NKAIN2: variants seen among roughly 807,000 people sequenced by gnomAD.
The protein encoded by NKAIN2 is sodium/potassium transporting ATPase interacting 2, also known as sodium/potassium-transporting ATPase subunit beta-1-interacting protein 2.
NKAIN2 carries 14 observed loss-of-function variants against 32.6 expected under a neutral mutation model. The ratio of observed to expected loss-of-function variants is 0.43; its 90% CI spans 0.28 to 0.67. The LOEUF (loss-of-function observed/expected upper bound fraction) is 0.67. Among genes scored for constraint, NKAIN2 ranks in the 30% least tolerant of loss-of-function variants. The pLI is 0.17. For missense variants in NKAIN2, 198 were observed against 258.3 expected (o/e 0.77, Z 1.60); for synonymous variants, 80 against 87.2 (o/e 0.92, Z 0.46).
chr6:123,938,604 T>G (rs568060440), intron 1 of NKAIN2, among the ~76,000 whole-genome samples: 1,661 of 140,850 alleles, frequency 0.012, 28 homozygotes, highest in African/African-American at 0.041. Context: ...ATATTATATA[T>G]ATTTTTATAT....
intron 1 of NKAIN2, among the ~76,000 whole-genome samples, chr6:124,061,930 A>G (rs1782934108): frequency 6.6e-6 from 1 of 152,172 alleles, no homozygotes; most frequent in Non-Finnish European, 1.5e-5. Context: ...AGAGCTAGAG[A>G]TAAGAGAATG....
intron 1 of NKAIN2, among the ~76,000 whole-genome samples, chr6:124,215,516 GA>G (rs1046037181): frequency 6.6e-6 from 1 of 152,130 alleles, no homozygotes. Flanking sequence ...TGCCCATAGG[GA>G]AAAGCAGGAA....
intron 1 of NKAIN2, among the ~76,000 whole-genome samples, chr6:123,816,457 A>G (rs1773699198): frequency 6.6e-6 from 1 of 152,176 alleles, no homozygotes; most frequent in African/African-American, 2.4e-5. Flanking sequence ...AAATTAAAAG[A>G]TTGCTAAACT....
At chr6:124,140,147 G>A (rs1787062752) in intron 1 of NKAIN2, among the ~76,000 whole-genome samples, 1 of 152,146 alleles carries the variant, frequency 6.6e-6, no homozygotes. Context: ...ACACAGCATA[G>A]CATCACATGT....
chr6:124,356,306 C>G (rs1194991194), intron 3 of NKAIN2, among the ~76,000 whole-genome samples: 2 of 152,154 alleles, frequency 1.3e-5, no homozygotes, highest in Non-Finnish European at 2.9e-5. Context: ...AATGGTAATA[C>G]ACATTTATGA....
intron 3 of NKAIN2, among the ~76,000 whole-genome samples, chr6:124,621,711 T>C (rs910883113): frequency 2.6e-5 from 4 of 152,292 alleles, no homozygotes; most frequent in Admixed American, 2.6e-4. Flanking sequence ...ACCAGTTTGA[T>C]TGGAAGAAAA....
At chr6:124,489,037 C>A (rs755927450) in intron 3 of NKAIN2, among the ~76,000 whole-genome samples, 7 of 151,864 alleles carry the variant, frequency 4.6e-5, no homozygotes, top group Non-Finnish European at 8.8e-5. Context: ...ACAATAAATT[C>A]TTGAAAGTTA....
intron 3 of NKAIN2, among the ~76,000 whole-genome samples, chr6:124,584,430 T>A (rs923563325): frequency 1.3e-5 from 2 of 152,064 alleles, no homozygotes; most frequent in Non-Finnish European, 2.9e-5. Context: ...GGCACATGGA[T>A]CACCTGAGGT....
rs867005878 is a variant in NKAIN2, at chr6:123,943,157, A to T, written c.54+138903A>T. On this transcript the variant is annotated intron_variant, in intron 1 of 6. Coordinates refer to ENST00000368417, the MANE Select transcript of NKAIN2 (RefSeq NM_001040214.3). ...AATACAGTTGATAAACTATTATAAT[A>T]GTTAACAGCCACTGGGCTTATAAAA... Among the ~76,000 whole-genome samples, 5 of 152,060 alleles carry T rather than the reference A, an allele frequency of 3.3e-5. 1 individual carries two copies. Among genetic ancestry groups the T allele is most frequent in the South Asian group, 4.1e-4 (2 of 4,834 alleles).
intron 2 of NKAIN2, among the ~76,000 whole-genome samples, chr6:124,288,731 T>C (rs1795673187): frequency 6.6e-6 from 1 of 152,186 alleles, no homozygotes; most frequent in Non-Finnish European, 1.5e-5. Flanking sequence ...ACAAATGATC[T>C]ATTTCTACAT....
At position 123,899,116 on chromosome 6, in the gene NKAIN2, A is replaced by G. The variant is rs566937049; in HGVS notation, c.54+94862A>G. 1.4e-4 allele frequency among the ~76,000 whole-genome samples: 22 copies of G among 152,316 alleles called. No individual in the cohort carries two copies. In the South Asian group the frequency reaches 3.9e-3, roughly 27 times the overall value. ...ATATGAATAAATCTGTATCTGTATG[A>G]TAGGTATTGATCTCATTTTGCATAT... On this transcript the variant is annotated intron_variant, in intron 1 of 6. Transcript: ENST00000368417.
chr6:124,603,308 A>C lies in NKAIN2; in HGVS notation c.274-54878A>C, dbSNP rs189007756. On this transcript the variant is annotated intron_variant, in intron 3 of 6. Coordinates refer to ENST00000368417, the MANE Select transcript of NKAIN2 (RefSeq NM_001040214.3). ...TTTTAAAGTAAAATCATCAAAGTAT[A>C]TATATTCTCATATTTCTACTGTCAT... is the stretch of plus-strand genomic sequence containing the variant. 2.6e-5 allele frequency among the ~76,000 whole-genome samples: 4 copies of C among 152,068 alleles called. No homozygotes were observed. In the East Asian group the frequency reaches 7.7e-4, roughly 29 times the overall value.
chr6:123,846,966 TTCAGTCCA>T, intron 1 of NKAIN2, among the ~76,000 whole-genome samples: 1 of 152,296 alleles, frequency 6.6e-6, no homozygotes, highest in East Asian at 1.9e-4. Flanking sequence ...TTATCGCACA[TTCAGTCCA>T]GTACTATGTA....
chr6:124,661,638 G>A (rs1414969259), intron 4 of NKAIN2, among the ~76,000 whole-genome samples: 1 of 152,156 alleles, frequency 6.6e-6, no homozygotes, highest in Non-Finnish European at 1.5e-5. Flanking sequence ...CAGCCGTGCA[G>A]AAAAGACTGC....
At chr6:124,698,206 TG>T (rs1381485891) in intron 4 of NKAIN2, among the ~76,000 whole-genome samples, 1 of 152,208 alleles carries the variant, frequency 6.6e-6, no homozygotes, top group Non-Finnish European at 1.5e-5. Flanking sequence ...GTTTGCAGTG[TG>T]GGCACTTCAG....
chr6:124,469,077 T>A (rs1379403601), intron 3 of NKAIN2, among the ~76,000 whole-genome samples: 2 of 152,154 alleles, frequency 1.3e-5, no homozygotes, highest in Non-Finnish European at 2.9e-5. Context: ...GAGAACACCA[T>A]GTGAATGGTG....
intron 1 of NKAIN2, among the ~76,000 whole-genome samples, chr6:123,841,131 A>T (rs1015251943): frequency 6.6e-6 from 1 of 152,202 alleles, no homozygotes; most frequent in Non-Finnish European, 1.5e-5. Context: ...CTAGTCTAGA[A>T]AGTGTGAATA....
At chr6:124,498,053 T>C (rs61124165) in intron 3 of NKAIN2, among the ~76,000 whole-genome samples, 1,670 of 152,186 alleles carry the variant, frequency 0.011, 34 homozygotes, top group African/African-American at 0.039. Flanking sequence ...GGGAAGAATA[T>C]ATATAGTTGA....
chr6:124,797,431 A>C (rs1315415879), intron 5 of NKAIN2, among the ~76,000 whole-genome samples: 3 of 152,202 alleles, frequency 2.0e-5, no homozygotes, highest in Non-Finnish European at 4.4e-5. Flanking sequence ...TAAGGGACTT[A>C]TTTTGAAATC....
Sources: gnomAD v4.1 joint callset for allele counts (sites outside exome capture counted in the v4.1 genomes callset) on GRCh38, gnomAD v4.1.1 for gene constraint, MANE v1.5 for transcripts, NCBI Gene and HGNC (gene_info 2026-07-23, HGNC 2026-07-21) for gene names.